The following NLGN1 variants were observed in gnomAD, a reference collection of about 807,000 sequenced individuals.
NLGN1 encodes neuroligin-1.
A neutral mutation model predicts 65.5 loss-of-function variants in NLGN1; 12 were observed. That is an observed-to-expected ratio of 0.18 (90% CI 0.12 to 0.30). NLGN1 has a LOEUF of 0.30. Among genes scored for constraint, NLGN1 ranks in the 10% least tolerant of loss-of-function variants. NLGN1 has a pLI of 1.00. For missense variants in NLGN1, 750 were observed against 1,007.1 expected, an observed-to-expected ratio of 0.74 and a Z score of 3.46; for synonymous variants, 350 against 359.5, an observed-to-expected ratio of 0.97 and a Z score of 0.30.
chr3:173,979,259 C>G (rs1252415095), intron 4 of NLGN1, among the ~76,000 whole-genome samples: 1 of 151,752 alleles, frequency 6.6e-6, no homozygotes, highest in Non-Finnish European at 1.5e-5. Flanking sequence ...AGAGCAATAG[C>G]TAAAGGAAAA....
At chr3:173,440,813 C>G (rs1719032039) in intron 2 of NLGN1, among the ~76,000 whole-genome samples, 1 of 152,132 alleles carries the variant, frequency 6.6e-6, no homozygotes, top group African/African-American at 2.4e-5. Flanking sequence ...AATATAAAGT[C>G]TCTAGCTGCA....
intron 2 of NLGN1, among the ~76,000 whole-genome samples, chr3:173,499,425 G>A (rs1730618989): frequency 6.6e-6 from 1 of 151,682 alleles, no homozygotes; most frequent in Non-Finnish European, 1.5e-5. Flanking sequence ...TCTCTGTTTT[G>A]GTACCAGTAC....
intron 3 of NLGN1, among the ~76,000 whole-genome samples, chr3:173,747,448 G>A (rs186485318): frequency 1.3e-4 from 20 of 148,438 alleles, no homozygotes; most frequent in Non-Finnish European, 2.2e-4. Flanking sequence ...CACATATTTA[G>A]AATATCAAAA....
At chr3:173,967,616 TTTC>T (rs1715173287) in intron 4 of NLGN1, among the ~76,000 whole-genome samples, 1 of 152,146 alleles carries the variant, frequency 6.6e-6, no homozygotes, top group African/African-American at 2.4e-5. Context: ...TAGTTTCTGT[TTTC>T]TTTGGCATGT....
chr3:174,287,534 A>G (rs1752266309), downstream of NLGN1, among the ~76,000 whole-genome samples: 1 of 151,522 alleles, frequency 6.6e-6, no homozygotes, highest in Admixed American at 6.6e-5. Flanking sequence ...GTATTTCCTT[A>G]TGGTTTGTAG....
intron 3 of NLGN1, among the ~76,000 whole-genome samples, chr3:173,663,652 T>A (rs1560126767): frequency 6.6e-6 from 1 of 151,878 alleles, no homozygotes; most frequent in African/African-American, 2.4e-5. Context: ...AAAGCTGCAG[T>A]TGAGAGATGA....
chr3:173,963,013 G>A (rs1243779234), intron 4 of NLGN1, among the ~76,000 whole-genome samples: 2 of 152,040 alleles, frequency 1.3e-5, no homozygotes, highest in Non-Finnish European at 2.9e-5. Context: ...TGCAATTTAT[G>A]GAACCTCATA....
chr3:174,011,187 T>C (rs776328416), intron 4 of NLGN1, among the ~76,000 whole-genome samples: 17 of 152,316 alleles, frequency 1.1e-4, no homozygotes, highest in South Asian at 8.3e-4. Flanking sequence ...ATCTTTATAT[T>C]TCAAGAATGG....
chr3:173,558,582 A>T (rs973122586), intron 2 of NLGN1, among the ~76,000 whole-genome samples: 1 of 151,902 alleles, frequency 6.6e-6, no homozygotes, highest in Non-Finnish European at 1.5e-5. Flanking sequence ...TACAGGACCT[A>T]CCCCATTCAG....
chr3:173,424,419 G>C (rs971085331), intron 1 of NLGN1, among the ~76,000 whole-genome samples: 2 of 152,126 alleles, frequency 1.3e-5, no homozygotes, highest in Non-Finnish European at 2.9e-5. Flanking sequence ...ACATGGTCAG[G>C]CTGCAAATTT....
intron 4 of NLGN1, 81 bp from the exon 5 acceptor site, chr3:174,275,234 C>A: frequency 2.0e-6 from 2 of 1,009,640 alleles, no homozygotes; most frequent in Non-Finnish European, 1.5e-6. Context: ...TTGATTAATA[C>A]AGGCTTCATT....
At chr3:174,136,673 A>G (rs1721276104) in intron 4 of NLGN1, 1 of 152,128 alleles carries the variant, frequency 6.6e-6, no homozygotes, top group African/African-American at 2.4e-5. Context: ...CTTTCATTTG[A>G]AAATATGTCT....
chr3:173,807,921 T>C, intron 4 of NLGN1, 89 bp downstream of exon 4: 1 of 1,344,194 alleles, frequency 7.4e-7, no homozygotes, highest in Non-Finnish European at 1.1e-6. Context: ...CTTTGCTTTG[T>C]TTCACCCATT....
At chr3:173,502,384 T>G (rs2149063469) in intron 2 of NLGN1, among the ~76,000 whole-genome samples, 1 of 152,242 alleles carries the variant, frequency 6.6e-6, no homozygotes, top group South Asian at 2.1e-4. Flanking sequence ...GTGTGAACTC[T>G]TAGATGACAC....
chr3:174,093,046 G>T (rs2152565943), intron 4 of NLGN1, among the ~76,000 whole-genome samples: 1 of 152,260 alleles, frequency 6.6e-6, no homozygotes, highest in East Asian at 1.9e-4. Flanking sequence ...TGAATGCAAA[G>T]AATAAATCAA....
At chr3:174,182,872 G>A (rs902927219) in intron 4 of NLGN1, among the ~76,000 whole-genome samples, 24 of 152,042 alleles carry the variant, frequency 1.6e-4, no homozygotes, top group African/African-American at 5.3e-4. Context: ...TCACATTGCC[G>A]CTGTCTCTCT....
intron 4 of NLGN1, among the ~76,000 whole-genome samples, chr3:174,259,583 T>G (rs972550388): frequency 2.0e-5 from 3 of 152,194 alleles, no homozygotes; most frequent in African/African-American, 4.8e-5. Flanking sequence ...GTATTTTGGC[T>G]TACAAAACTG....
intron 3 of NLGN1, chr3:173,685,727 A>G (rs1353727056): frequency 1.0e-6 from 1 of 985,222 alleles, no homozygotes; most frequent in African/African-American, 1.7e-5. Flanking sequence ...GAGTACCAAG[A>G]TTGGGTGATC....
At chr3:173,712,799 T>A (rs1482147903) in intron 3 of NLGN1, among the ~76,000 whole-genome samples, 5 of 150,040 alleles carry the variant, frequency 3.3e-5, no homozygotes, top group African/African-American at 1.2e-4. Context: ...GGCGTTAAAA[T>A]TTGATTTTTT....
Sources: gnomAD v4.1 joint callset for allele counts (sites outside exome capture counted in the v4.1 genomes callset) on GRCh38, gnomAD v4.1.1 for gene constraint, MANE v1.5 for transcripts, NCBI Gene and HGNC (gene_info 2026-07-23, HGNC 2026-07-21) for gene names.